Variants in POLR3F observed in about 807,000 individuals in gnomAD.
POLR3F encodes DNA-directed RNA polymerase III subunit RPC6.
Under a neutral mutation model 43.6 loss-of-function variants are expected in POLR3F, and 31 were observed. That is an observed-to-expected ratio of 0.71 (90% confidence interval 0.53 to 0.96). The LOEUF (loss-of-function observed/expected upper bound fraction) is 0.96, where lower values mean the gene tolerates loss of function less well. POLR3F is among the 40% of genes least tolerant of loss of function. The pLI, the probability that POLR3F is intolerant of heterozygous loss-of-function variation, is 0.00. For synonymous variants in POLR3F, 114 were observed against 132.5 expected, an observed-to-expected ratio of 0.86 and a Z score of 0.96; for missense variants, 316 against 391.7, an observed-to-expected ratio of 0.81 and a Z score of 1.63.
At chr20:18,473,188 T>G (rs1424508514) in intron 3 of POLR3F, among the ~76,000 whole-genome samples, 1 of 152,130 alleles carries the variant, frequency 6.6e-6, no homozygotes, top group Non-Finnish European at 1.5e-5. Flanking sequence ...TGTTTTGCAA[T>G]TTGTTTTTTT....
intron 5 of POLR3F, among the ~76,000 whole-genome samples, chr20:18,475,660 C>T (rs951076004): frequency 1.3e-5 from 2 of 152,140 alleles, no homozygotes; most frequent in African/African-American, 4.8e-5. Context: ...CTGGCTCCCT[C>T]GGGGACATCT....
rs2059766795 is a variant in POLR3F, at chr20:18,473,906, G to A, written c.316+448G>A. Among the ~76,000 whole-genome samples, 3 of 152,048 alleles carry A rather than the reference G, an allele frequency of 2.0e-5. No homozygotes were observed. The South Asian group carries it at 6.2e-4, about 32-fold the overall frequency. The stretch of plus-strand genomic sequence containing the variant: ...GGTGTGGTGTAGCAGTGTCTTAACA[G>A]ATGTCCCTCCGCAGCTATAGTTTCT... On this transcript the variant is annotated intron_variant, in intron 4 of 8. Coordinates refer to ENST00000377603, the MANE Select transcript of POLR3F (RefSeq NM_006466.4).
At chr20:18,483,135 G>A (rs1190296646) in intron 8 of POLR3F, among the ~76,000 whole-genome samples, 1 of 151,786 alleles carries the variant, frequency 6.6e-6, no homozygotes, top group Non-Finnish European at 1.5e-5. Flanking sequence ...CACGATCTTG[G>A]CTCACTACAA....
At chr20:18,467,603 A>G (rs2059700807) in intron 1 of POLR3F, 35 bp downstream of exon 1, 1 of 1,614,062 alleles carries the variant, frequency 6.2e-7, no homozygotes, top group Non-Finnish European at 8.5e-7. Context: ...GCACTCCATC[A>G]GGCGCCCAGT....
At position 18,467,617 on chromosome 20, in the gene POLR3F, T is replaced by C. The variant is rs1365294575; in HGVS notation, c.62+49T>C. The C allele has an allele frequency of 3.7e-6, 6 of 1,613,590 alleles. No individual in the cohort carries two copies. In the South Asian group the frequency reaches 6.6e-5, roughly 18 times the overall value. ...GGCACTCCATCAGGCGCCCAGTCAT[T>C]TGGGCAGCTGGACCCCTTCTCCGGG... On this transcript the variant is annotated intron_variant, in intron 1 of 8. Transcript: ENST00000377603.
chr20:18,473,353 A>T, intron 3 of POLR3F, 38 bp from the exon 4 acceptor site: 1 of 856,124 alleles, frequency 1.2e-6, no homozygotes, highest in Non-Finnish European at 2.0e-6. Context: ...ATTATCCTAT[A>T]GTCCTTACCT....
intron 7 of POLR3F, among the ~76,000 whole-genome samples, chr20:18,480,842 C>T (rs2059806151): frequency 6.6e-6 from 1 of 151,830 alleles, no homozygotes; most frequent in Non-Finnish European, 1.5e-5. Flanking sequence ...TGTACCCTAG[C>T]CTTTTGAAAT....
At chr20:18,476,316 G>A (rs892826222) in intron 5 of POLR3F, among the ~76,000 whole-genome samples, 1 of 152,088 alleles carries the variant, frequency 6.6e-6, no homozygotes, top group African/African-American at 2.4e-5. Flanking sequence ...TTATAGATTT[G>A]CCTATTCTGG....
intron 5 of POLR3F, among the ~76,000 whole-genome samples, chr20:18,477,986 G>A (rs994830312): frequency 1.3e-5 from 2 of 152,152 alleles, no homozygotes; most frequent in Non-Finnish European, 2.9e-5. Context: ...CAAGAGATTG[G>A]ACTGATGTCA....
Position 18,483,928 on chromosome 20 carries a change from T to G in POLR3F, c.*370T>G, listed in dbSNP as rs974043706. On this transcript the variant is annotated 3_prime_UTR_variant, in exon 9 of 9. Transcript: ENST00000377603. ...ATAAAAATGTTCTTTTTAAAGTTAT[T>G]TATTAAGTTCTTCATTGGAAGTTTT... is the stretch of plus-strand genomic sequence containing the variant. 7 of 396,004 alleles carry G rather than the reference T, an allele frequency of 1.8e-5. No individual in the cohort carries two copies. The highest frequency in any genetic ancestry group is 2.2e-5 in the Non-Finnish European group (5 of 225,090). 24.5% of individuals were successfully genotyped at this position (396,004 alleles called of 1,614,324 possible). A position where few individuals can be genotyped will look rare whatever the true frequency, so the allele number is the denominator to read the frequency against.
intron 1 of POLR3F, among the ~76,000 whole-genome samples, chr20:18,468,534 C>T (rs1198826417): frequency 1.3e-5 from 2 of 151,922 alleles, no homozygotes; most frequent in Non-Finnish European, 2.9e-5. Context: ...AAAACAGGCC[C>T]CATTATGGTG....
intron 2 of POLR3F, among the ~76,000 whole-genome samples, chr20:18,471,767 G>T (rs1277532420): frequency 6.6e-6 from 1 of 152,232 alleles, no homozygotes; most frequent in African/African-American, 2.4e-5. Flanking sequence ...CGGATCACTA[G>T]AGGCCAGGAG....
chr20:18,481,305 G>A (rs2059808118), intron 7 of POLR3F, among the ~76,000 whole-genome samples: 1 of 152,128 alleles, frequency 6.6e-6, no homozygotes, highest in Non-Finnish European at 1.5e-5. Flanking sequence ...ACAGTAGTGC[G>A]ATCTCAGCTC....
At position 18,481,769 on chromosome 20, in the gene POLR3F, C is replaced by A; in HGVS notation, c.832C>A (p.Pro278Thr). Residue 278 changes from proline (P) to threonine (T), a missense_variant, in exon 8 of 9, where the codon CCT (proline) becomes ACT (threonine). By Grantham distance (38) the Pro-to-Thr change is conservative (BLOSUM62 -1). Around this residue, in one of 3 missense-constraint regions of POLR3F, gnomAD observed 85 missense variants for 80.2 expected, o/e 1.06. Transcript: ENST00000377603. ...KLYRAVNPII[P>T]PTGLVRAPCG... The stretch of plus-strand genomic sequence containing the variant: ...GTACAGGGCAGTCAATCCAATCATC[C>A]CTCCCACAGGTTTGGTCCGGGCACC... 1 of 1,613,704 alleles carries A rather than the reference C, an allele frequency of 6.2e-7. No homozygotes were observed. The highest frequency in any genetic ancestry group is 1.3e-5 in the African/African-American group (1 of 74,982).
chr20:18,469,092 A>C, intron 2 of POLR3F, 31 bp downstream of exon 2: 1 of 928,986 alleles, frequency 1.1e-6, no homozygotes, highest in Admixed American at 1.7e-5. Flanking sequence ...TTGCATAATT[A>C]CTGATATGCT....
At chr20:18,475,675 C>G (rs897050180) in intron 5 of POLR3F, among the ~76,000 whole-genome samples, 1 of 152,180 alleles carries the variant, frequency 6.6e-6, no homozygotes, top group African/African-American at 2.4e-5. Context: ...ACATCTGCCC[C>G]TGACCTCACT....
rs746958760 is a variant in POLR3F at position 18,473,386 on chromosome 20, T to C, written c.249-5T>C. On this transcript the variant is annotated splice_polypyrimidine_tract_variant and splice_region_variant and intron_variant, in intron 3 of 8. Coordinates refer to ENST00000377603, the MANE Select transcript of POLR3F (RefSeq NM_006466.4). ...CCTTACTAATTTTACTTTATTCCAC[T>C]ACAGTAAAATGAAGGGATCCGATAA... is the stretch of plus-strand genomic sequence containing the variant. 2 of 1,238,396 alleles carry C rather than the reference T, an allele frequency of 1.6e-6. No individual in the cohort carries two copies. The highest frequency in any genetic ancestry group is 4.6e-5 in the East Asian group (2 of 43,076). The allele number at this position is 1,238,396 out of a possible 1,614,324, so 76.7% of individuals were successfully genotyped here.
At chr20:18,480,577 G>A in intron 7 of POLR3F, 68 bp downstream of exon 7, 1 of 872,834 alleles carries the variant, frequency 1.1e-6, no homozygotes, top group Non-Finnish European at 1.8e-6. Flanking sequence ...TTCCAAACAT[G>A]TATTTGACCC....
At chr20:18,483,094 T>A (rs2059819120) in intron 8 of POLR3F, among the ~76,000 whole-genome samples, 1 of 149,926 alleles carries the variant, frequency 6.7e-6, no homozygotes, top group African/African-American at 2.5e-5. Context: ...CGAGATGGAG[T>A]CTTGCTGTCG....
Sources: allele counts gnomAD v4.1 joint callset (sites outside exome capture counted in the v4.1 genomes callset), GRCh38; gene constraint gnomAD v4.1.1; regional missense constraint gnomAD v4.1.1; transcripts MANE v1.5; gene names NCBI Gene and HGNC (gene_info 2026-07-23, HGNC 2026-07-21).